Variants in FGF14 observed in about 807,000 individuals in gnomAD.
FGF14 encodes fibroblast growth factor 14, also known as fibroblast growth factor homologous factor 4.
FGF14 carries 5 observed loss-of-function variants against 25.5 expected under a neutral mutation model. That is an observed-to-expected ratio of 0.20 (90% confidence interval 0.10 to 0.41). The LOEUF is 0.41. Ranked by LOEUF, FGF14 falls within the 10% of genes least tolerant of loss-of-function variation. FGF14 has a pLI of 1.00. For synonymous variants in FGF14, 138 were observed against 118.3 expected (o/e 1.17, Z -1.08); for missense variants, 222 against 320.1 (o/e 0.69, Z 2.34).
chr13:101,762,937 A>G (rs1436005056), intron 3 of FGF14, among the ~76,000 whole-genome samples: 2 of 152,184 alleles, frequency 1.3e-5, no homozygotes, highest in African/African-American at 2.4e-5. Context: ...GCCATAGGGA[A>G]TATCAGTGCT....
chr13:102,217,731 G>A (rs1247755216), intron 1 of FGF14, among the ~76,000 whole-genome samples: 2 of 152,112 alleles, frequency 1.3e-5, no homozygotes, highest in East Asian at 1.9e-4. Flanking sequence ...ACACAACTCC[G>A]CAGGCAGAGC....
chr13:102,243,441 T>C (rs2141036733), intron 1 of FGF14, among the ~76,000 whole-genome samples: 1 of 152,202 alleles, frequency 6.6e-6, no homozygotes, highest in African/African-American at 2.4e-5. Context: ...AAGTCACTGG[T>C]GATAAATATC....
At chr13:101,997,696 T>C (rs2039260147) in intron 1 of FGF14, among the ~76,000 whole-genome samples, 8 of 152,100 alleles carry the variant, frequency 5.3e-5, no homozygotes, top group Admixed American at 5.2e-4. Context: ...AGCTATAACA[T>C]AATTGCAGCA....
At position 102,201,226 on chromosome 13, in the gene FGF14, T is replaced by C. The variant is rs555115290; in HGVS notation, c.208+200245A>G. 4.1e-4 allele frequency among the ~76,000 whole-genome samples: 62 copies of C among 151,110 alleles called. 1 individual carries two copies. The highest frequency in any genetic ancestry group is 1.5e-3 in the African/African-American group (61 of 41,260). On this transcript the variant is annotated intron_variant, in intron 1 of 4. Coordinates refer to the FGF14 transcript ENST00000376131. ...GATCTAGTGGGCGATCTCCTCAAGC[T>C]AGTTCATATTACTTAGTTTCCTTTG...
chr13:101,864,922 A>C (rs1463606718), intron 3 of FGF14, among the ~76,000 whole-genome samples: 1 of 152,152 alleles, frequency 6.6e-6, no homozygotes, highest in Non-Finnish European at 1.5e-5. Flanking sequence ...CCCATAATTA[A>C]CTTGAAGGAT....
At chr13:101,974,273 T>C (rs1290976844) in intron 1 of FGF14, among the ~76,000 whole-genome samples, 1 of 152,220 alleles carries the variant, frequency 6.6e-6, no homozygotes, top group Admixed American at 6.5e-5. Flanking sequence ...CAGAGCTTCA[T>C]AGCATTTTCT....
chr13:102,116,694 G>A (rs1351429404), intron 1 of FGF14, among the ~76,000 whole-genome samples: 1 of 152,130 alleles, frequency 6.6e-6, no homozygotes, highest in African/African-American at 2.4e-5. Flanking sequence ...ATTGCTTAAT[G>A]GATACAGAGT....
At chr13:101,761,541 T>C (rs1430215705) in intron 3 of FGF14, among the ~76,000 whole-genome samples, 2 of 152,144 alleles carry the variant, frequency 1.3e-5, no homozygotes, top group Non-Finnish European at 2.9e-5. Flanking sequence ...TATAGACAAA[T>C]GCTTATTTAG....
chr13:101,973,965 G>A (rs547972181), intron 1 of FGF14, among the ~76,000 whole-genome samples: 13 of 152,248 alleles, frequency 8.5e-5, no homozygotes, highest in Admixed American at 6.5e-4. Flanking sequence ...TTAAAGGTCT[G>A]ATGTTTGTTT....
intron 1 of FGF14, among the ~76,000 whole-genome samples, chr13:102,264,364 G>A (rs1008864230): frequency 6.6e-6 from 1 of 152,094 alleles, no homozygotes; most frequent in Non-Finnish European, 1.5e-5. Context: ...CTATTGACAT[G>A]GAAAGCATGA....
chr13:102,045,530 A>G (rs750323443), intron 1 of FGF14, among the ~76,000 whole-genome samples: 1 of 152,188 alleles, frequency 6.6e-6, no homozygotes, highest in Non-Finnish European at 1.5e-5. Flanking sequence ...GATCTCTATC[A>G]TGAAAATTCC....
In FGF14 at chr13:101,895,522, C is replaced by G. The variant is rs563174353; in HGVS notation, c.194-20226G>C. Among the ~76,000 whole-genome samples the G allele has an allele frequency of 4.4e-4, 67 of 152,196 alleles. No individual in the cohort carries two copies. The South Asian group carries it at 0.013, about 29-fold the overall frequency. ...CATGAATGTAACATGTTGTCTCACA[C>G]TAAGTAAAGAATCACTCAAAATCTT... is the stretch of plus-strand genomic sequence containing the variant. On this transcript the variant is annotated intron_variant, in intron 1 of 4. Transcript: ENST00000376143.
chr13:101,929,134 C>T (rs2034573081), intron 1 of FGF14, among the ~76,000 whole-genome samples: 1 of 152,176 alleles, frequency 6.6e-6, no homozygotes, highest in Admixed American at 6.5e-5. Context: ...CCTTGAGTGG[C>T]TCAGAATATA....
At chr13:101,745,036 C>T (rs1244143190) in intron 3 of FGF14, among the ~76,000 whole-genome samples, 1 of 151,922 alleles carries the variant, frequency 6.6e-6, no homozygotes, top group Non-Finnish European at 1.5e-5. Flanking sequence ...ATATGCCGCT[C>T]CTGATTCTGT....
intron 3 of FGF14, among the ~76,000 whole-genome samples, chr13:101,797,772 T>TGTGTGCGTGTGTGC (rs34927828): frequency 6.9e-6 from 1 of 145,556 alleles, no homozygotes; most frequent in Non-Finnish European, 1.5e-5. Context: ...TGTGTGTGTG[T>TGTGTGCGTGTGTGC]GTGTGTGTGT....
chr13:102,311,259 T>C (rs1325927841), intron 1 of FGF14, among the ~76,000 whole-genome samples: 1 of 152,148 alleles, frequency 6.6e-6, no homozygotes, highest in Non-Finnish European at 1.5e-5. Context: ...CAGATCACAC[T>C]GCATTAGGAG....
intron 3 of FGF14, among the ~76,000 whole-genome samples, chr13:101,797,735 ATG>A (rs1555384521): frequency 0.072 from 2,457 of 33,970 alleles, 73 homozygotes; most frequent in African/African-American, 0.12. Flanking sequence ...TCATGAATTG[ATG>A]TGTGTGTGTG....
At chr13:102,161,573 G>GAAGAAAAGAAGAA (rs1555369405) in intron 1 of FGF14, among the ~76,000 whole-genome samples, 1 of 5,486 alleles carries the variant, frequency 1.8e-4, no homozygotes, top group Non-Finnish European at 3.4e-4. Context: ...TGTGAAGAAA[G>GAAGAAAAGAAGAA]AAAGAAGAAG....
chr13:101,873,354 G>A (rs973525104), intron 2 of FGF14, among the ~76,000 whole-genome samples: 5 of 152,156 alleles, frequency 3.3e-5, no homozygotes, highest in South Asian at 4.1e-4. Flanking sequence ...TATTTTTCAC[G>A]TAGTCCAATA....
Sources: allele counts gnomAD v4.1 joint callset (sites outside exome capture counted in the v4.1 genomes callset), GRCh38; gene constraint gnomAD v4.1.1; transcripts MANE v1.5; gene names NCBI Gene and HGNC (gene_info 2026-07-23, HGNC 2026-07-21).